SIN3A: variants seen among roughly 807,000 people sequenced by gnomAD.
SIN3A encodes paired amphipathic helix protein Sin3a.
In SIN3A, 14 loss-of-function variants were observed where a neutral mutation model predicts 146.1. The ratio of observed to expected loss-of-function variants is 0.10; its 90% confidence interval spans 0.06 to 0.15. SIN3A has a LOEUF of 0.15. Among genes scored for constraint, SIN3A ranks in the 10% least tolerant of loss-of-function variants. The pLI, the probability that SIN3A is intolerant of heterozygous loss-of-function variation, is 1.00. For synonymous variants in SIN3A, 572 were observed against 572.0 expected (o/e 1.00, Z 0.00); for missense variants, 1,028 against 1,576.0 (o/e 0.65, Z 5.89).
At chr15:75,438,086 C>A (rs751331968) in intron 1 of SIN3A, among the ~76,000 whole-genome samples, 1 of 152,126 alleles carries the variant, frequency 6.6e-6, no homozygotes, top group African/African-American at 2.4e-5. Context: ...TAAAACTGGG[C>A]GCGGTGGTTC....
At chr15:75,454,549 A>C (rs925526726), upstream of SIN3A, among the ~76,000 whole-genome samples, 9 of 150,228 alleles carry the variant, frequency 6.0e-5, no homozygotes, top group Non-Finnish European at 1.3e-4. Flanking sequence ...CCCGGCTGAC[A>C]GGCGCGCCCC....
intron 2 of SIN3A, 128 bp downstream of exon 2, chr15:75,430,057 ATT>A (rs797002247): frequency 1.8e-4 from 102 of 569,492 alleles, no homozygotes; most frequent in Admixed American, 2.4e-4. Flanking sequence ...GTACACAGTT[ATT>A]TTTTTTTTTA....
Position 75,392,415 on chromosome 15 carries a change from T to A in SIN3A, c.2678A>T (p.Tyr893Phe). 1 of 1,614,266 alleles carries A rather than the reference T, an allele frequency of 6.2e-7. No homozygotes were observed. Among genetic ancestry groups the A allele is most frequent in the Non-Finnish European group, 8.5e-7 (1 of 1,180,042 alleles). ...AATCTGGTGCAGTCGCATAAAAATA[T>A]ACCAGTTGTTGTTGACATAGAAGAG... ...YNLFYVNNNW[Y>F]IFMRLHQILC... is the part of the protein sequence containing the mutation. The change falls in exon 15 of 21, where the codon TAT (tyrosine) becomes TTT (phenylalanine). Residue 893 changes from tyrosine (Y) to phenylalanine (F), a missense_variant. This residue lies in a region of SIN3A where 488 missense variants were observed against 690.2 expected (regional missense o/e 0.71). Transcript: ENST00000394947.
At chr15:75,413,262 A>G (rs918603600) in intron 4 of SIN3A, among the ~76,000 whole-genome samples, 1 of 152,082 alleles carries the variant, frequency 6.6e-6, no homozygotes, top group Admixed American at 6.5e-5. Flanking sequence ...CTGGGATTAC[A>G]GGCATGCGCC....
chr15:75,373,241 G>A (rs2072786749), intron 20 of SIN3A, among the ~76,000 whole-genome samples: 1 of 152,146 alleles, frequency 6.6e-6, no homozygotes, highest in Admixed American at 6.5e-5. Flanking sequence ...AGCCAGGTGT[G>A]GTGGTGCACG....
At chr15:75,400,592 G>C in intron 11 of SIN3A, 138 bp downstream of exon 11, 1 of 733,594 alleles carries the variant, frequency 1.4e-6, no homozygotes, top group Non-Finnish European at 2.2e-6. Flanking sequence ...CAAAAAAGTA[G>C]AAAACATTTT....
At chr15:75,417,783 C>A (rs577650007) in intron 3 of SIN3A, among the ~76,000 whole-genome samples, 10 of 152,134 alleles carry the variant, frequency 6.6e-5, no homozygotes, top group Admixed American at 5.9e-4. Flanking sequence ...ATTCTTACAT[C>A]GAAACTTAAT....
chr15:75,381,588 G>A (rs769179306), intron 18 of SIN3A, 25 bp downstream of exon 18: 2 of 1,569,616 alleles, frequency 1.3e-6, no homozygotes, highest in Admixed American at 3.4e-5. Context: ...TTGGCACCTG[G>A]GGTCTGTGAT....
Position 75,410,167 on chromosome 15 carries a change from A to G in SIN3A, c.1128T>C (p.Phe376=), listed in dbSNP as rs756889163. The G allele has an allele frequency of 2.5e-6, 4 of 1,614,182 alleles. No homozygotes were observed. The highest frequency in any genetic ancestry group is 1.1e-5 in the South Asian group (1 of 91,072). The change falls in exon 7 of 21, where the codon TTT becomes TTC. Residue 376 remains phenylalanine (F), a synonymous_variant. Transcript: ENST00000394947. ...TGTTGGCATCTGGTAGGAATTGTCC[A>G]AACTCTGACAACAAATCTTCCTGGT... is the stretch of plus-strand genomic sequence containing the variant. ...FKNQEDLLSE[F]GQFLPDANSS...
chr15:75,438,937 G>A (rs1771122247), intron 1 of SIN3A, among the ~76,000 whole-genome samples: 1 of 152,140 alleles, frequency 6.6e-6, no homozygotes, highest in Non-Finnish European at 1.5e-5. Context: ...AATCTGCTAA[G>A]AAAGAATCTA....
chr15:75,409,632 C>T (rs1377926304), intron 8 of SIN3A, among the ~76,000 whole-genome samples: 1 of 151,702 alleles, frequency 6.6e-6, no homozygotes, highest in Non-Finnish European at 1.5e-5. Context: ...GAGGGCGAGA[C>T]AGGAGAATCG....
intron 13 of SIN3A, 124 bp downstream of exon 13, chr15:75,396,134 C>T: frequency 1.4e-6 from 1 of 736,664 alleles, no homozygotes; most frequent in Non-Finnish European, 2.3e-6. Context: ...ATTCCAACAA[C>T]CAGGGTTGGG....
chr15:75,409,718 C>T (rs2073593705), intron 8 of SIN3A, 118 bp downstream of exon 8: 2 of 1,124,014 alleles, frequency 1.8e-6, no homozygotes, highest in South Asian at 1.5e-5. Flanking sequence ...CAGAGCGAGA[C>T]TCGGTCTCAA....
chr15:75,405,496 T>C (rs914038346), intron 9 of SIN3A, among the ~76,000 whole-genome samples: 5 of 152,066 alleles, frequency 3.3e-5, no homozygotes, highest in African/African-American at 1.2e-4. Context: ...GGCTCACACC[T>C]GTAATCCCAG....
chr15:75,450,180 T>TAA (rs374894508), intron 1 of SIN3A, among the ~76,000 whole-genome samples: 2 of 143,404 alleles, frequency 1.4e-5, no homozygotes, highest in Middle Eastern at 3.3e-3. Context: ...TCTGAGTTCT[T>TAA]AAAAAAAAAA....
In SIN3A at chr15:75,400,125, G is replaced by A. The variant is rs2073383491; in HGVS notation, c.1769C>T (p.Ser590Leu). Residue 590 changes from serine to leucine, a missense_variant, in exon 12 of 21, where the codon TCG (serine) becomes TTG (leucine). Around this residue, in one of 9 missense-constraint regions of SIN3A, gnomAD observed 157 missense variants for 284.8 expected, o/e 0.55. Coordinates refer to ENST00000394947, the MANE Select transcript of SIN3A (RefSeq NM_001145358.2). ...VLNDTWVSFP[S>L]WSEDSTFVSS... ...CACAAAGGTAGAGTCCTCAGACCACGAAGGGAAGGAAACCCAGGTATCATT... is the reference window on the plus strand; with the variant it reads ...CACAAAGGTAGAGTCCTCAGACCACAAAGGGAAGGAAACCCAGGTATCATT... 6.2e-7 allele frequency: 1 copy of A among 1,608,812 alleles called. No individual in the cohort carries two copies.
intron 16 of SIN3A, among the ~76,000 whole-genome samples, chr15:75,385,934 T>C (rs1380794827): frequency 6.6e-6 from 1 of 152,178 alleles, no homozygotes; most frequent in Non-Finnish European, 1.5e-5. Flanking sequence ...ATGAGGAAGA[T>C]TAAGATACAG....
intron 19 of SIN3A, among the ~76,000 whole-genome samples, chr15:75,377,856 G>A (rs909676032): frequency 1.3e-5 from 2 of 152,164 alleles, no homozygotes; most frequent in African/African-American, 4.8e-5. Context: ...ACTAAATATA[G>A]TCAATCTCAG....
At chr15:75,419,542 A>G (rs11856344) in intron 3 of SIN3A, 87,599 of 151,976 alleles carry the variant, frequency 0.58, 26,079 homozygotes, top group African/African-American at 0.73. Flanking sequence ...GTTATAGGCC[A>G]GGTGTGGTGG....
Sources: allele counts gnomAD v4.1 joint callset (sites outside exome capture counted in the v4.1 genomes callset), GRCh38; gene constraint gnomAD v4.1.1; regional missense constraint gnomAD v4.1.1; transcripts MANE v1.5; gene names NCBI Gene and HGNC (gene_info 2026-07-23, HGNC 2026-07-21).